Variants in NFIA observed in about 807,000 individuals in gnomAD.
NFIA encodes nuclear factor I A.
In NFIA, 8 loss-of-function variants were observed where a neutral mutation model predicts 62.8. The ratio of observed to expected loss-of-function variants is 0.13; its 90% CI spans 0.07 to 0.23. The LOEUF (loss-of-function observed/expected upper bound fraction) is 0.23, where lower values mean the gene tolerates loss of function less well. Ranked by LOEUF, NFIA falls within the 10% of genes least tolerant of loss-of-function variation. NFIA has a pLI of 1.00. For missense variants in NFIA, 410 were observed against 642.1 expected (o/e 0.64, Z 3.91); for synonymous variants, 235 against 238.1 (o/e 0.99, Z 0.12).
intron 2 of NFIA, among the ~76,000 whole-genome samples, chr1:61,115,590 G>C (rs899639049): frequency 6.6e-6 from 1 of 152,216 alleles, no homozygotes; most frequent in African/African-American, 2.4e-5. Flanking sequence ...CATATGTAGC[G>C]TGTGTTCTGG....
At chr1:61,294,328 A>G (rs923305671) in intron 3 of NFIA, among the ~76,000 whole-genome samples, 2 of 152,236 alleles carry the variant, frequency 1.3e-5, no homozygotes, top group African/African-American at 2.4e-5. Flanking sequence ...GAAGCACAGA[A>G]AAGTAAAGTT....
intron 2 of NFIA, among the ~76,000 whole-genome samples, chr1:61,111,727 T>C: frequency 6.6e-6 from 1 of 152,136 alleles, no homozygotes; most frequent in African/African-American, 2.4e-5. Flanking sequence ...CCCTCTCACC[T>C]CATTAGCATC....
chr1:61,102,573 A>C (rs2100438685), intron 2 of NFIA, among the ~76,000 whole-genome samples: 1 of 152,188 alleles, frequency 6.6e-6, no homozygotes, highest in Non-Finnish European at 1.5e-5. Flanking sequence ...TGTTTCCTTT[A>C]GTTTTCCCTT....
chr1:61,103,617 A>G (rs1369670713), intron 2 of NFIA, among the ~76,000 whole-genome samples: 1 of 152,206 alleles, frequency 6.6e-6, no homozygotes, highest in African/African-American at 2.4e-5. Flanking sequence ...TGCACTCAGT[A>G]TCTTTGTTTA....
chr1:61,321,482 C>G lies in NFIA; in HGVS notation c.626-11030C>G, dbSNP rs375605349. On this transcript the variant is annotated intron_variant, in intron 3 of 10. Coordinates refer to ENST00000403491, the MANE Select transcript of NFIA (RefSeq NM_001134673.4). ...AAGGAAGGACGGAAGGATATTTAGC[C>G]TGGAAGAGAGAAAATTAGGTTGATG... 2.6e-5 allele frequency among the ~76,000 whole-genome samples: 4 copies of G among 151,788 alleles called. 1 individual carries two copies. Among genetic ancestry groups the G allele is most frequent in the African/African-American group, 9.7e-5 (4 of 41,436 alleles).
intron 2 of NFIA, among the ~76,000 whole-genome samples, chr1:61,191,061 C>T (rs1421897583): frequency 6.8e-6 from 1 of 146,570 alleles, no homozygotes; most frequent in Non-Finnish European, 1.5e-5. Context: ...TTCAAGCAAG[C>T]AAGGGTAGCC....
chr1:61,426,891 A>T (rs1007194357), intron 10 of NFIA, among the ~76,000 whole-genome samples: 1 of 152,174 alleles, frequency 6.6e-6, no homozygotes, highest in African/African-American at 2.4e-5. Flanking sequence ...AGAACCTGAA[A>T]GTAATATCTG....
chr1:61,451,973 CTTTT>C (rs1465840006), intron 10 of NFIA, among the ~76,000 whole-genome samples: 1 of 152,142 alleles, frequency 6.6e-6, no homozygotes, highest in Non-Finnish European at 1.5e-5. Context: ...GCTCAGATTT[CTTTT>C]ATGTTTTTCC....
chr1:61,297,471 G>A (rs1659249168), intron 3 of NFIA, among the ~76,000 whole-genome samples: 1 of 152,082 alleles, frequency 6.6e-6, no homozygotes, highest in African/African-American at 2.4e-5. Context: ...AATGGTGATG[G>A]GCTGTCTGAA....
chr1:61,170,871 TTTG>T (rs1649916504), intron 2 of NFIA, among the ~76,000 whole-genome samples: 1 of 151,948 alleles, frequency 6.6e-6, no homozygotes, highest in African/African-American at 2.4e-5. Context: ...AGAAGCAGAC[TTTG>T]TTGTTGTTTT....
At chr1:61,301,179 G>A (rs1270842549) in intron 3 of NFIA, among the ~76,000 whole-genome samples, 1 of 49,420 alleles carries the variant, frequency 2.0e-5, no homozygotes, top group Non-Finnish European at 7.5e-5. Context: ...TATGCTAACA[G>A]TCAGTGCTAT....
chr1:61,291,339 T>C (rs1658869113), intron 3 of NFIA, among the ~76,000 whole-genome samples: 2 of 152,156 alleles, frequency 1.3e-5, no homozygotes, highest in Admixed American at 6.5e-5. Context: ...GTATGTAAAT[T>C]GACTAGGAAA....
intron 2 of NFIA, among the ~76,000 whole-genome samples, chr1:61,203,174 A>G (rs374286708): frequency 7.8e-4 from 119 of 152,226 alleles, no homozygotes; most frequent in African/African-American, 1.6e-3. Flanking sequence ...GTTGGTGTCT[A>G]TGGTTTCACT....
intron 4 of NFIA, among the ~76,000 whole-genome samples, chr1:61,342,106 T>G (rs914320545): frequency 2.6e-5 from 4 of 152,082 alleles, no homozygotes; most frequent in African/African-American, 9.7e-5. Context: ...CAGTGTGTGG[T>G]TAATATGAGT....
Position 61,117,379 on chromosome 1 carries a change from A to G in NFIA, c.559+28699A>G, listed in dbSNP as rs1369824843. Among the ~76,000 whole-genome samples, 4 of 152,212 alleles carry G rather than the reference A, an allele frequency of 2.6e-5. No homozygotes were observed. In the East Asian group the frequency reaches 7.8e-4, roughly 30 times the overall value. On this transcript the variant is annotated intron_variant, in intron 2 of 10. Transcript: ENST00000403491. Reference sequence around the variant, plus strand: ...GTTTCTAATGAATCACTGGATTGTGATATAGGATTAACTTGGTGTCCCTAA... The same window carrying G: ...GTTTCTAATGAATCACTGGATTGTGGTATAGGATTAACTTGGTGTCCCTAA...
At chr1:61,354,182 G>A (rs562093560) in intron 5 of NFIA, among the ~76,000 whole-genome samples, 7 of 152,258 alleles carry the variant, frequency 4.6e-5, no homozygotes, top group Admixed American at 2.6e-4. Context: ...GGCCAGTGTC[G>A]TTCTCATATT....
intron 6 of NFIA, among the ~76,000 whole-genome samples, chr1:61,366,143 A>T (rs1248671741): frequency 6.6e-6 from 1 of 152,108 alleles, no homozygotes; most frequent in African/African-American, 2.4e-5. Context: ...CTGTTCTGTG[A>T]GCCTTTCTCA....
chr1:61,209,291 G>A (rs334668), intron 2 of NFIA, among the ~76,000 whole-genome samples: 50,388 of 151,904 alleles, frequency 0.33, 8,529 homozygotes, highest in South Asian at 0.46. Context: ...GCCGTCGTGT[G>A]TATACAGATT....
intron 6 of NFIA, among the ~76,000 whole-genome samples, chr1:61,365,653 A>T (rs1663547070): frequency 6.6e-6 from 1 of 152,204 alleles, no homozygotes; most frequent in Non-Finnish European, 1.5e-5. Context: ...TGCTGATTGT[A>T]TGCAGTATAC....
Sources: gnomAD v4.1 joint callset for allele counts (sites outside exome capture counted in the v4.1 genomes callset) on GRCh38, gnomAD v4.1.1 for gene constraint, MANE v1.5 for transcripts, NCBI Gene and HGNC (gene_info 2026-07-23, HGNC 2026-07-21) for gene names.